ZFPM2: variants seen among roughly 807,000 people sequenced by gnomAD.
ZFPM2 encodes the protein zinc finger protein ZFPM2.
Under a neutral mutation model 98.6 loss-of-function variants are expected in ZFPM2, and 20 were observed. The ratio of observed to expected loss-of-function variants is 0.20; its 90% CI spans 0.14 to 0.29. The LOEUF (loss-of-function observed/expected upper bound fraction) is 0.29, where lower values mean the gene tolerates loss of function less well. Among genes scored for constraint, ZFPM2 ranks in the 10% least tolerant of loss-of-function variants. ZFPM2 has a pLI of 1.00. For synonymous variants in ZFPM2, 518 were observed against 502.7 expected (o/e 1.03, Z -0.41); for missense variants, 1,310 against 1,388.6 (o/e 0.94, Z 0.90).
At chr8:105,614,964 G>T (rs1816383462) in intron 4 of ZFPM2, among the ~76,000 whole-genome samples, 1 of 151,988 alleles carries the variant, frequency 6.6e-6, no homozygotes. Context: ...ATTTACTTTA[G>T]GGTTACTTAA....
At chr8:105,520,833 G>C (rs1333118182) in intron 3 of ZFPM2, among the ~76,000 whole-genome samples, 3 of 146,590 alleles carry the variant, frequency 2.0e-5, no homozygotes, top group Non-Finnish European at 4.7e-5. Context: ...AACAACGTTA[G>C]AAAAGATATA....
chr8:105,489,466 A>AT (rs369037656), intron 3 of ZFPM2, among the ~76,000 whole-genome samples: 6,949 of 119,748 alleles, frequency 0.058, 319 homozygotes, highest in East Asian at 0.077. Context: ...ATATATATAT[A>AT]TTTTTTTTTT....
chr8:105,580,861 A>G (rs1306685638), intron 4 of ZFPM2, among the ~76,000 whole-genome samples: 3 of 150,070 alleles, frequency 2.0e-5, no homozygotes, highest in Non-Finnish European at 1.5e-5. Context: ...CTGAGAGAAA[A>G]AATCTTTTTG....
chr8:105,427,018 T>G (rs1234557005), intron 2 of ZFPM2, among the ~76,000 whole-genome samples: 1 of 152,120 alleles, frequency 6.6e-6, no homozygotes, highest in African/African-American at 2.4e-5. Flanking sequence ...AATATATACC[T>G]TATGACCTTG....
At chr8:105,483,014 C>CCTTCCTTCCTTCCTTCCTTT (rs1422345915) in intron 3 of ZFPM2, among the ~76,000 whole-genome samples, 3 of 123,350 alleles carry the variant, frequency 2.4e-5, no homozygotes, top group Non-Finnish European at 4.9e-5. Context: ...TTCCTTCCTT[C>CCTTCCTTCCTTCCTTCCTTT]CTTCCTTCCT....
chr8:105,634,089 C>G (rs917113502), intron 4 of ZFPM2, among the ~76,000 whole-genome samples, 157 bp from the exon 5 acceptor site: 2 of 151,882 alleles, frequency 1.3e-5, no homozygotes, highest in Admixed American at 1.3e-4. Flanking sequence ...CAGCTTCTGT[C>G]GTCTTAAAAA....
intron 5 of ZFPM2, among the ~76,000 whole-genome samples, chr8:105,709,606 C>G (rs1342674558): frequency 6.6e-6 from 1 of 151,964 alleles, no homozygotes; most frequent in Non-Finnish European, 1.5e-5. Flanking sequence ...CCAGGATCAA[C>G]CAGAAATTAA....
chr8:105,801,056 T>C lies in ZFPM2; in HGVS notation c.974T>C (p.Met325Thr), dbSNP rs1296436832. ...TTGTATGTCTCTCTAGGAGTGAAAATGGAAGAATTCCTGCCCCCTGGTGCT... is the reference window on the plus strand; with the variant it reads ...TTGTATGTCTCTCTAGGAGTGAAAACGGAAGAATTCCTGCCCCCTGGTGCT... The part of the protein sequence containing the change: ...MHLNSHSGVK[M>T]EEFLPPGASL... Residue 325 changes from methionine (M) to threonine (T), a missense_variant, in exon 8 of 8, where the codon ATG (methionine) becomes ACG (threonine). Physicochemically the swap from Met to Thr is moderately conservative, Grantham distance 81. Transcript: ENST00000407775. 4.3e-6 allele frequency: 7 copies of C among 1,612,110 alleles called. No individual in the cohort carries two copies. The highest frequency in any genetic ancestry group is 4.2e-6 in the Non-Finnish European group (5 of 1,178,518).
chr8:105,633,359 C>G (rs184634602), intron 4 of ZFPM2, among the ~76,000 whole-genome samples: 1 of 152,068 alleles, frequency 6.6e-6, no homozygotes, highest in Non-Finnish European at 1.5e-5. Flanking sequence ...GACTGGAGAA[C>G]GATAAAAGTG....
At chr8:105,538,001 T>C (rs1349373002) in intron 3 of ZFPM2, among the ~76,000 whole-genome samples, 9 of 152,086 alleles carry the variant, frequency 5.9e-5, no homozygotes, top group Non-Finnish European at 1.0e-4. Flanking sequence ...AAGTGTATAA[T>C]ATCTTTTTTA....
chr8:105,487,773 C>T (rs1586408579), intron 3 of ZFPM2, among the ~76,000 whole-genome samples: 1 of 152,116 alleles, frequency 6.6e-6, no homozygotes, highest in East Asian at 1.9e-4. Flanking sequence ...TCATCGTCAT[C>T]ATTATCATCA....
rs959499343 is a variant in ZFPM2, at chr8:105,622,308, C to T, written c.421-11938C>T. On this transcript the variant is annotated intron_variant, in intron 4 of 7. Transcript: ENST00000407775. Reference sequence around the variant, plus strand: ...CAACATACGCATTGATGCTTTTATTCGTATTTCTATTATTTTTATAAAGAA... The same window carrying T: ...CAACATACGCATTGATGCTTTTATTTGTATTTCTATTATTTTTATAAAGAA... Among the ~76,000 whole-genome samples, 10 of 151,884 alleles carry T rather than the reference C, an allele frequency of 6.6e-5. No homozygotes were observed. The South Asian group carries it at 8.3e-4, about 13-fold the overall frequency.
chr8:105,549,314 A>G, intron 3 of ZFPM2, among the ~76,000 whole-genome samples: 1 of 152,212 alleles, frequency 6.6e-6, no homozygotes, highest in East Asian at 1.9e-4. Context: ...TGTGTGATAT[A>G]GATGTATTTT....
intron 3 of ZFPM2, among the ~76,000 whole-genome samples, chr8:105,463,851 G>A (rs1812747223): frequency 6.6e-6 from 1 of 151,904 alleles, no homozygotes; most frequent in South Asian, 2.1e-4. Flanking sequence ...TTACCTCTTA[G>A]CGTCTACACT....
chr8:105,570,990 G>A (rs915898972), intron 4 of ZFPM2, among the ~76,000 whole-genome samples: 8 of 152,150 alleles, frequency 5.3e-5, no homozygotes, highest in African/African-American at 1.9e-4. Flanking sequence ...TTATTAGGAC[G>A]ATTAGTGCTA....
intron 3 of ZFPM2, among the ~76,000 whole-genome samples, chr8:105,472,351 A>C (rs1252504750): frequency 6.6e-6 from 1 of 152,180 alleles, no homozygotes; most frequent in Admixed American, 6.5e-5. Context: ...TACTTAGAAA[A>C]CATTTTATTT....
intron 2 of ZFPM2, among the ~76,000 whole-genome samples, chr8:105,426,892 G>A (rs1452889954): frequency 6.6e-6 from 1 of 152,136 alleles, no homozygotes; most frequent in East Asian, 1.9e-4. Context: ...GGGAAGAGGA[G>A]GTTGCCATGA....
chr8:105,726,195 G>GT (rs1811803211), intron 5 of ZFPM2, among the ~76,000 whole-genome samples: 1 of 151,028 alleles, frequency 6.6e-6, no homozygotes, highest in Middle Eastern at 3.2e-3. Flanking sequence ...TTATTTTTCT[G>GT]TTTTTGCATG....
chr8:105,628,543 A>G (rs1458287450), intron 4 of ZFPM2, among the ~76,000 whole-genome samples: 1 of 152,084 alleles, frequency 6.6e-6, no homozygotes, highest in African/African-American at 2.4e-5. Flanking sequence ...TCAACCACCT[A>G]CACTGTCCCA....
Sources: gnomAD v4.1 joint callset for allele counts (sites outside exome capture counted in the v4.1 genomes callset) on GRCh38, gnomAD v4.1.1 for gene constraint, MANE v1.5 for transcripts, NCBI Gene and HGNC (gene_info 2026-07-23, HGNC 2026-07-21) for gene names.